Variants in MARCHF3 observed in about 807,000 individuals in gnomAD.
MARCHF3 encodes membrane associated ring-CH-type finger 3, also known as E3 ubiquitin-protein ligase MARCHF3.
In MARCHF3, 13 loss-of-function variants were observed where a neutral mutation model predicts 24.2. The observed-to-expected ratio is 0.54, with a 90% confidence interval of 0.35 to 0.85. The LOEUF (loss-of-function observed/expected upper bound fraction) is 0.85. Among genes scored for constraint, MARCHF3 ranks in the 40% least tolerant of loss-of-function variants. MARCHF3 has a pLI of 0.01. For missense variants in MARCHF3, 276 were observed against 325.0 expected, an observed-to-expected ratio of 0.85 and a Z score of 1.16; for synonymous variants, 144 against 137.3, an observed-to-expected ratio of 1.05 and a Z score of -0.34.
chr5:126,999,819 T>A (rs1752068768), intron 1 of MARCHF3, among the ~76,000 whole-genome samples: 2 of 152,168 alleles, frequency 1.3e-5, no homozygotes, highest in South Asian at 4.1e-4. Flanking sequence ...CAGCCATTAC[T>A]AATGTACCAC....
intron 1 of MARCHF3, among the ~76,000 whole-genome samples, chr5:126,991,422 T>C (rs2126843377): frequency 1.3e-5 from 2 of 152,168 alleles, no homozygotes; most frequent in East Asian, 3.9e-4. Flanking sequence ...AGGGGAGGGA[T>C]AGCATTAGGA....
intron 3 of MARCHF3, among the ~76,000 whole-genome samples, chr5:126,882,562 A>G (rs981700690): frequency 6.6e-6 from 1 of 152,170 alleles, no homozygotes; most frequent in Non-Finnish European, 1.5e-5. Context: ...GTTATGGGGT[A>G]TATACATTGA....
chr5:127,027,602 T>C (rs1261996121), intron 1 of MARCHF3, among the ~76,000 whole-genome samples: 2 of 152,126 alleles, frequency 1.3e-5, no homozygotes, highest in Non-Finnish European at 2.9e-5. Flanking sequence ...TCTTGTTTCA[T>C]CAGGCAGACT....
At chr5:127,011,852 G>A (rs9327428) in intron 1 of MARCHF3, among the ~76,000 whole-genome samples, 70,046 of 152,030 alleles carry the variant, frequency 0.46, 16,650 homozygotes, top group East Asian at 0.67. Flanking sequence ...ATTTTAATTG[G>A]CATTCAGAGG....
At chr5:127,015,373 A>G (rs952878296) in intron 1 of MARCHF3, among the ~76,000 whole-genome samples, 3 of 152,186 alleles carry the variant, frequency 2.0e-5, no homozygotes, top group Admixed American at 6.5e-5. Context: ...GAAGATGAGC[A>G]GGGAGGAGGG....
At chr5:126,947,888 G>A (rs116044745) in intron 1 of MARCHF3, among the ~76,000 whole-genome samples, 1 of 151,912 alleles carries the variant, frequency 6.6e-6, no homozygotes, top group Middle Eastern at 3.2e-3. Context: ...TGGGAGGGGT[G>A]GGGGGGCAGC....
At chr5:127,002,142 C>A (rs182060584) in intron 1 of MARCHF3, among the ~76,000 whole-genome samples, 1 of 148,106 alleles carries the variant, frequency 6.8e-6, no homozygotes, top group Non-Finnish European at 1.5e-5. Flanking sequence ...CCAACAATAT[C>A]CAGCCACCAG....
intron 1 of MARCHF3, among the ~76,000 whole-genome samples, chr5:126,977,272 T>C (rs548358721): frequency 3.4e-4 from 52 of 152,340 alleles, no homozygotes; most frequent in African/African-American, 1.3e-3. Flanking sequence ...GCTTATATAA[T>C]TGACTCCCCT....
intron 1 of MARCHF3, among the ~76,000 whole-genome samples, chr5:126,924,928 C>T (rs1248358219): frequency 1.3e-5 from 2 of 152,228 alleles, no homozygotes; most frequent in Admixed American, 1.3e-4. Flanking sequence ...TCACTGACCT[C>T]ATTATGTGGA....
At chr5:126,984,245 G>C (rs935841772) in intron 1 of MARCHF3, among the ~76,000 whole-genome samples, 21 of 152,074 alleles carry the variant, frequency 1.4e-4, no homozygotes, top group African/African-American at 5.1e-4. Flanking sequence ...AGGGGGTTGA[G>C]GAAAACTTCT....
intron 1 of MARCHF3, among the ~76,000 whole-genome samples, chr5:127,002,596 T>C (rs1345944582): frequency 6.6e-6 from 1 of 152,254 alleles, no homozygotes; most frequent in African/African-American, 2.4e-5. Flanking sequence ...CTGCATTGAT[T>C]TAAAAATGCT....
intron 1 of MARCHF3, among the ~76,000 whole-genome samples, chr5:127,008,427 A>G (rs1053674064): frequency 2.6e-5 from 4 of 152,210 alleles, no homozygotes; most frequent in African/African-American, 7.2e-5. Flanking sequence ...CACTTAGAAG[A>G]GAGTCTGGGT....
chr5:126,991,985 T>C (rs529412111), intron 1 of MARCHF3, among the ~76,000 whole-genome samples: 44 of 152,250 alleles, frequency 2.9e-4, no homozygotes, highest in African/African-American at 1.0e-3. Context: ...AGCTGAACAA[T>C]TCACTTGGAC....
At chr5:126,994,691 A>G (rs1430028615) in intron 1 of MARCHF3, among the ~76,000 whole-genome samples, 1 of 152,204 alleles carries the variant, frequency 6.6e-6, no homozygotes, top group Non-Finnish European at 1.5e-5. Flanking sequence ...CTAACAGGAT[A>G]TATGTATATA....
chr5:126,886,487 G>A (rs1671044768), intron 3 of MARCHF3, among the ~76,000 whole-genome samples: 1 of 152,094 alleles, frequency 6.6e-6, no homozygotes, highest in African/African-American at 2.4e-5. Context: ...ACTCTGTTGT[G>A]GAGTCAAAAA....
chr5:127,000,106 C>T (rs1251091117), intron 1 of MARCHF3, among the ~76,000 whole-genome samples: 1 of 151,294 alleles, frequency 6.6e-6, no homozygotes, highest in East Asian at 1.9e-4. Flanking sequence ...GTCAGAGTCT[C>T]AAGAGCAGAT....
chr5:127,006,183 A>T (rs1752307166), intron 1 of MARCHF3, among the ~76,000 whole-genome samples: 1 of 150,576 alleles, frequency 6.6e-6, no homozygotes, highest in Non-Finnish European at 1.5e-5. Flanking sequence ...AGCCTGGGAG[A>T]CACAGTGAGG....
At chr5:126,884,856 C>T (rs1026215010) in intron 3 of MARCHF3, among the ~76,000 whole-genome samples, 7 of 152,142 alleles carry the variant, frequency 4.6e-5, no homozygotes, top group African/African-American at 1.7e-4. Context: ...TCAGGGTGAG[C>T]GTCTAGAAAT....
At chr5:126,917,721 G>A (rs546218309) in intron 2 of MARCHF3, among the ~76,000 whole-genome samples, 3 of 152,222 alleles carry the variant, frequency 2.0e-5, no homozygotes, top group Admixed American at 6.5e-5. Context: ...TAACAACCCC[G>A]TATCTTGTGG....
Sources: gnomAD v4.1 joint callset for allele counts (sites outside exome capture counted in the v4.1 genomes callset) on GRCh38, gnomAD v4.1.1 for gene constraint, MANE v1.5 for transcripts, NCBI Gene and HGNC (gene_info 2026-07-23, HGNC 2026-07-21) for gene names.